Variants in PCCB observed in about 807,000 individuals in gnomAD.
PCCB encodes propionyl-CoA carboxylase beta chain, mitochondrial.
In PCCB, 43 loss-of-function variants were observed where a neutral mutation model predicts 60.7. The ratio of observed to expected loss-of-function variants is 0.71; its 90% CI spans 0.55 to 0.91. The LOEUF (loss-of-function observed/expected upper bound fraction) is 0.91, where lower values mean the gene tolerates loss of function less well. PCCB is among the 40% of genes least tolerant of loss of function. The probability of loss-of-function intolerance (pLI) is 0.00; values close to 1 mark genes in which losing one functional copy is unlikely to be tolerated. For synonymous variants in PCCB, 276 were observed against 255.9 expected (o/e 1.08, Z -0.75); for missense variants, 766 against 702.8 (o/e 1.09, Z -1.02).
chr3:136,304,328 A>T (rs1934384136), intron 9 of PCCB, among the ~76,000 whole-genome samples: 1 of 117,362 alleles, frequency 8.5e-6, no homozygotes, highest in Non-Finnish European at 1.9e-5. Context: ...CTAATTTTAA[A>T]ATTTTTTGTA....
At chr3:136,267,230 G>A (rs911317060) in intron 5 of PCCB, among the ~76,000 whole-genome samples, 1 of 152,060 alleles carries the variant, frequency 6.6e-6, no homozygotes, top group Non-Finnish European at 1.5e-5. Flanking sequence ...TCTGTTGCCT[G>A]GGCTAGAGTG....
intron 5 of PCCB, among the ~76,000 whole-genome samples, chr3:136,268,126 A>ATG (rs1942084907): frequency 1.5e-5 from 2 of 137,254 alleles, no homozygotes; most frequent in African/African-American, 5.6e-5. Flanking sequence ...ATATATGTAT[A>ATG]TATATATATA....
intron 8 of PCCB, among the ~76,000 whole-genome samples, chr3:136,299,405 T>C (rs1276573159): frequency 2.0e-5 from 3 of 152,052 alleles, no homozygotes; most frequent in African/African-American, 7.2e-5. Context: ...TATGCTTATG[T>C]ATATGCATAT....
chr3:136,260,560 A>T, intron 4 of PCCB, 25 bp downstream of exon 4: 1 of 1,582,440 alleles, frequency 6.3e-7, no homozygotes, highest in Non-Finnish European at 8.7e-7. Flanking sequence ...CTCAAATTCA[A>T]TCCATTGCTT....
At chr3:136,309,801 CA>C (rs202216438) in intron 9 of PCCB, among the ~76,000 whole-genome samples, 3,318 of 127,936 alleles carry the variant, frequency 0.026, 98 homozygotes, top group African/African-American at 0.078. Context: ...GACCCTGTCT[CA>C]AAAAAAAAAA....
Position 136,327,704 on chromosome 3 carries a change from C to T in PCCB, c.1370C>T (p.Thr457Ile), listed in dbSNP as rs1301343613. 28 of 1,613,988 alleles carry T rather than the reference C, an allele frequency of 1.7e-5. No homozygotes were observed. The highest frequency in any genetic ancestry group is 2.3e-5 in the Non-Finnish European group (27 of 1,179,950). The change falls in exon 13 of 15, where the codon ACC (threonine) becomes ATC (isoleucine). Residue 457 changes from threonine (T) to isoleucine (I), a missense_variant. By Grantham distance (89) the Thr-to-Ile change is moderately conservative (BLOSUM62 -1). Coordinates refer to ENST00000251654, the MANE Select transcript of PCCB (RefSeq NM_000532.5). ...LCGDTNYAWPTAEIAVMGAKG... is the reference protein window; with the variant it reads ...LCGDTNYAWPIAEIAVMGAKG... ...GGTGATACCAACTATGCCTGGCCCA[C>T]CGCAGAGATTGCAGTCATGGGAGCA...
At chr3:136,253,096 T>G (rs1333299198) in intron 1 of PCCB, among the ~76,000 whole-genome samples, 2 of 141,908 alleles carry the variant, frequency 1.4e-5, no homozygotes, top group East Asian at 2.1e-4. Flanking sequence ...TTTTTTTTTT[T>G]TTTTTTTTTT....
intron 10 of PCCB, among the ~76,000 whole-genome samples, chr3:136,324,645 C>G (rs1935236436): frequency 6.6e-6 from 1 of 151,856 alleles, no homozygotes; most frequent in Admixed American, 6.6e-5. Flanking sequence ...TAATCTTTTG[C>G]CCAGACATCT....
At chr3:136,280,784 C>G (rs1409200075) in intron 5 of PCCB, among the ~76,000 whole-genome samples, 1 of 152,210 alleles carries the variant, frequency 6.6e-6, no homozygotes, top group Non-Finnish European at 1.5e-5. Flanking sequence ...CCTTGGCCTT[C>G]TGAGTAGCTA....
At chr3:136,272,600 T>A (rs79807118) in intron 5 of PCCB, among the ~76,000 whole-genome samples, 1,855 of 152,276 alleles carry the variant, frequency 0.012, 34 homozygotes, top group East Asian at 0.047. Context: ...TCCACGAGTT[T>A]ATCCATTTCC....
chr3:136,262,492 G>C (rs1941853179), intron 5 of PCCB, among the ~76,000 whole-genome samples: 1 of 152,120 alleles, frequency 6.6e-6, no homozygotes, highest in African/African-American at 2.4e-5. Flanking sequence ...GTGCAAAGAA[G>C]AATGAAATCA....
At chr3:136,280,412 T>C (rs1197023970) in intron 5 of PCCB, among the ~76,000 whole-genome samples, 1 of 152,214 alleles carries the variant, frequency 6.6e-6, no homozygotes, top group African/African-American at 2.4e-5. Context: ...AGTGGTGCGA[T>C]CTTGGCGCAC....
At chr3:136,266,853 C>T (rs886195884) in intron 5 of PCCB, among the ~76,000 whole-genome samples, 8 of 151,924 alleles carry the variant, frequency 5.3e-5, no homozygotes, top group Middle Eastern at 3.4e-3. Flanking sequence ...TGTGGCTTGT[C>T]TTTTCTTTCT....
intron 5 of PCCB, among the ~76,000 whole-genome samples, chr3:136,266,815 T>C (rs549406375): frequency 6.6e-6 from 1 of 152,332 alleles, no homozygotes; most frequent in African/African-American, 2.4e-5. Context: ...TTATCATATA[T>C]ATGATTTGTA....
chr3:136,252,355 T>G (rs1308782135), intron 1 of PCCB: 1 of 455,198 alleles, frequency 2.2e-6, no homozygotes, highest in African/African-American at 2.0e-5. Flanking sequence ...CAAGCAATTC[T>G]CCTGCCTCAG....
chr3:136,291,043 G>A (rs1335693207), intron 6 of PCCB, among the ~76,000 whole-genome samples: 1 of 151,888 alleles, frequency 6.6e-6, no homozygotes, highest in Non-Finnish European at 1.5e-5. Flanking sequence ...CCAATCCCTG[G>A]TATATTTTAG....
intron 5 of PCCB, among the ~76,000 whole-genome samples, chr3:136,269,212 C>T (rs999041891): frequency 1.3e-5 from 2 of 152,034 alleles, no homozygotes; most frequent in East Asian, 1.9e-4. Flanking sequence ...ATCCAGGAGG[C>T]GGAGGTTGCA....
chr3:136,286,914 C>G lies in PCCB; in HGVS notation c.654+2967C>G, dbSNP rs188132141. Reference sequence around the variant, plus strand: ...AGCGTGGTGGTACGTGCTTGTAATACCAGCTACTCGGGAGGCTGAGGCAGG... The same window carrying G: ...AGCGTGGTGGTACGTGCTTGTAATAGCAGCTACTCGGGAGGCTGAGGCAGG... On this transcript the variant is annotated intron_variant, in intron 6 of 14. Coordinates refer to ENST00000251654, the MANE Select transcript of PCCB (RefSeq NM_000532.5). 1.7e-3 allele frequency among the ~76,000 whole-genome samples: 263 copies of G among 151,966 alleles called. 1 individual carries two copies. Among genetic ancestry groups the G allele is most frequent in the African/African-American group, 6.0e-3 (247 of 41,442 alleles).
At chr3:136,292,326 C>T (rs1431187378) in intron 6 of PCCB, among the ~76,000 whole-genome samples, 4 of 151,690 alleles carry the variant, frequency 2.6e-5, no homozygotes, top group Admixed American at 2.6e-4. Context: ...TGTAGCTAGA[C>T]CTTTCTAGCA....
Sources: gnomAD v4.1 joint callset for allele counts (sites outside exome capture counted in the v4.1 genomes callset) on GRCh38, gnomAD v4.1.1 for gene constraint, MANE v1.5 for transcripts, NCBI Gene and HGNC (gene_info 2026-07-23, HGNC 2026-07-21) for gene names.